Variants in MAP2K6 observed in about 807,000 individuals in gnomAD.
The protein encoded by MAP2K6 is dual specificity mitogen-activated protein kinase kinase 6.
A neutral mutation model predicts 53.7 loss-of-function variants in MAP2K6; 16 were observed. The observed-to-expected ratio is 0.30, with a 90% CI of 0.20 to 0.45. MAP2K6 has a LOEUF of 0.45. Among genes scored for constraint, MAP2K6 ranks in the 20% least tolerant of loss-of-function variants. The pLI is 1.00. For missense variants in MAP2K6, 204 were observed against 411.9 expected (o/e 0.50, Z 4.37); for synonymous variants, 132 against 143.1 (o/e 0.92, Z 0.55).
chr17:69,505,885 T>TTTG, intron 2 of MAP2K6, 39 bp downstream of exon 2: 2 of 1,565,738 alleles, frequency 1.3e-6, no homozygotes, highest in Non-Finnish European at 1.8e-6. Flanking sequence ...CAAATCCTTG[T>TTTG]GCTTTCAGAT....
chr17:69,546,943 C>A lies in MAP2K6; in HGVS notation c.*5190C>A, dbSNP rs549660806. 1 of 149,874 alleles carries A rather than the reference C, an allele frequency of 6.7e-6. No individual in the cohort carries two copies. The highest frequency in any genetic ancestry group is 2.1e-4 in the South Asian group (1 of 4,752). The allele number at this position is 149,874 out of a possible 1,614,324, so 9.3% of individuals were successfully genotyped here. ...AGATGGAAAAATGCCAGAGTAAAAT[C>A]TAGGAAGAAGGAGCTACCAGACCCG... On this transcript the variant is annotated 3_prime_UTR_variant, in exon 12 of 12. Transcript: ENST00000590474.
At chr17:69,491,763 TGA>T (rs1487749502) in intron 1 of MAP2K6, among the ~76,000 whole-genome samples, 7 of 89,244 alleles carry the variant, frequency 7.8e-5, no homozygotes, top group South Asian at 3.9e-4. Flanking sequence ...TATTCACTTT[TGA>T]ATAATAGACT....
At chr17:69,460,134 A>G (rs1432332598) in intron 1 of MAP2K6, among the ~76,000 whole-genome samples, 2 of 152,168 alleles carry the variant, frequency 1.3e-5, no homozygotes, top group South Asian at 2.1e-4. Context: ...CAATGAAACA[A>G]AAGTGGCCCC....
At chr17:69,481,895 A>G (rs79446481) in intron 1 of MAP2K6, among the ~76,000 whole-genome samples, 5,389 of 152,268 alleles carry the variant, frequency 0.035, 327 homozygotes, top group African/African-American at 0.12. Flanking sequence ...CCCACTTTCA[A>G]TTCTTTTGGA....
Position 69,546,564 on chromosome 17 carries a change from T to C in MAP2K6, c.*4811T>C, listed in dbSNP as rs894458425. On this transcript the variant is annotated 3_prime_UTR_variant, in exon 12 of 12. Coordinates refer to ENST00000590474, the MANE Select transcript of MAP2K6 (RefSeq NM_002758.4). ...AAAAGTGTCTAACAAAACACTTTTT[T>C]CTTTGGCCTGAAAGGACAATGGATA... 3.9e-5 allele frequency: 6 copies of C among 152,198 alleles called. 1 individual carries two copies. Among genetic ancestry groups the C allele is most frequent in the Admixed American group, 3.9e-4 (6 of 15,276 alleles). 9.4% of individuals were successfully genotyped at this position (152,198 alleles called of 1,614,324 possible).
At chr17:69,455,521 C>T (rs902823599) in intron 1 of MAP2K6, among the ~76,000 whole-genome samples, 4 of 152,120 alleles carry the variant, frequency 2.6e-5, no homozygotes, top group African/African-American at 7.2e-5. Context: ...AGCTCCCAGC[C>T]GACTTTCTCT....
At chr17:69,496,612 G>T (rs754978399) in intron 1 of MAP2K6, among the ~76,000 whole-genome samples, 2 of 151,982 alleles carry the variant, frequency 1.3e-5, no homozygotes, top group Non-Finnish European at 1.5e-5. Context: ...AAAGTGATCC[G>T]CCCACCTTGG....
rs1299747873 is a variant in MAP2K6, at chr17:69,526,644, G to A, written c.816G>A (p.Glu272=). 1 of 1,614,060 alleles carries A rather than the reference G, an allele frequency of 6.2e-7. No homozygotes were observed. ...TPFQQLKQVV[E]EPSPQLPADK... is the part of the protein sequence containing the mutation. Reference sequence around the variant, plus strand: ...TTCAGCAGCTCAAACAGGTGGTAGAGGAGCCATCGCCACAACTCCCAGCAG... The same window carrying A: ...TTCAGCAGCTCAAACAGGTGGTAGAAGAGCCATCGCCACAACTCCCAGCAG... Residue 272 remains glutamate, a synonymous_variant, in exon 10 of 12, where the codon GAG becomes GAA. Coordinates refer to ENST00000590474, the MANE Select transcript of MAP2K6 (RefSeq NM_002758.4).
intron 1 of MAP2K6, chr17:69,433,032 T>A (rs966190710): frequency 6.6e-6 from 1 of 152,196 alleles, no homozygotes. Flanking sequence ...AAAAGGCACA[T>A]TGATGCTCTC....
At chr17:69,450,204 CG>C (rs1567822203) in intron 1 of MAP2K6, among the ~76,000 whole-genome samples, 1 of 151,680 alleles carries the variant, frequency 6.6e-6, no homozygotes, top group Non-Finnish European at 1.5e-5. Flanking sequence ...CCACCTGCCT[CG>C]GCCTGCCAAA....
chr17:69,513,896 C>G (rs569139657), intron 2 of MAP2K6, among the ~76,000 whole-genome samples: 11 of 152,226 alleles, frequency 7.2e-5, no homozygotes, highest in Admixed American at 2.6e-4. Flanking sequence ...AAGCGGATCA[C>G]TTGAGGTCAG....
intron 7 of MAP2K6, chr17:69,521,408 T>C (rs2074028): frequency 0.64 from 177,122 of 276,836 alleles, 57,534 homozygotes; most frequent in Middle Eastern, 0.75. Flanking sequence ...TGATCTTGTA[T>C]TGGCCATCAC....
intron 1 of MAP2K6, among the ~76,000 whole-genome samples, chr17:69,418,818 A>G (rs1401726600): frequency 6.6e-6 from 1 of 152,140 alleles, no homozygotes; most frequent in Non-Finnish European, 1.5e-5. Flanking sequence ...TTGAATGTCC[A>G]GTTCTTCTTC....
At chr17:69,449,699 G>A (rs1280378318) in intron 1 of MAP2K6, among the ~76,000 whole-genome samples, 1 of 130,608 alleles carries the variant, frequency 7.7e-6, no homozygotes, top group Admixed American at 8.2e-5. Context: ...TGCAGGCTCC[G>A]CCCCCTGGGG....
chr17:69,492,344 G>C (rs1428438948), intron 1 of MAP2K6, among the ~76,000 whole-genome samples: 1 of 152,122 alleles, frequency 6.6e-6, no homozygotes, highest in Non-Finnish European at 1.5e-5. Flanking sequence ...ATAAGGAAGG[G>C]ATCCAGTTTC....
intron 1 of MAP2K6, among the ~76,000 whole-genome samples, chr17:69,420,835 G>C (rs1307958178): frequency 6.6e-6 from 1 of 152,180 alleles, no homozygotes; most frequent in African/African-American, 2.4e-5. Flanking sequence ...GGTATAATGA[G>C]CAGGGGTTAT....
intron 1 of MAP2K6, among the ~76,000 whole-genome samples, chr17:69,443,233 C>T (rs1044053032): frequency 2.0e-5 from 3 of 152,174 alleles, no homozygotes; most frequent in Non-Finnish European, 4.4e-5. Flanking sequence ...TGTCAGGCCT[C>T]AGCACAAGTG....
intron 11 of MAP2K6, among the ~76,000 whole-genome samples, chr17:69,536,755 TG>T (rs1028562279): frequency 1.3e-5 from 2 of 152,358 alleles, no homozygotes; most frequent in Non-Finnish European, 2.9e-5. Context: ...TAGCATTGTT[TG>T]TTGTATTAAA....
In MAP2K6 at chr17:69,551,991, C is replaced by G. The variant is rs1567869452; in HGVS notation, c.*10238C>G. On this transcript the variant is annotated 3_prime_UTR_variant, in exon 12 of 12. Coordinates refer to ENST00000590474, the MANE Select transcript of MAP2K6 (RefSeq NM_002758.4). Reference sequence around the variant, plus strand: ...AAAAGAGGTGGATTTCTTCAGCTTTCTTTGTGCTTCAGTTTCATAGCTGAA... The same window carrying G: ...AAAAGAGGTGGATTTCTTCAGCTTTGTTTGTGCTTCAGTTTCATAGCTGAA... 1 of 152,194 alleles carries G rather than the reference C, an allele frequency of 6.6e-6. No homozygotes were observed. 9.4% of individuals were successfully genotyped at this position (152,194 alleles called of 1,614,324 possible).
Sources: allele counts gnomAD v4.1 joint callset (sites outside exome capture counted in the v4.1 genomes callset), GRCh38; gene constraint gnomAD v4.1.1; transcripts MANE v1.5; gene names NCBI Gene and HGNC (gene_info 2026-07-23, HGNC 2026-07-21).